TYW1: variants seen among roughly 807,000 people sequenced by gnomAD.
TYW1 encodes tRNA-yW synthesizing protein 1 homolog.
TYW1 carries 46 observed loss-of-function variants against 96.2 expected under a neutral mutation model. That is an observed-to-expected ratio of 0.48 (90% CI 0.38 to 0.61). The LOEUF (loss-of-function observed/expected upper bound fraction) is 0.61, where lower values mean the gene tolerates loss of function less well. Ranked by LOEUF, TYW1 falls within the 20% of genes least tolerant of loss-of-function variation. The probability of loss-of-function intolerance (pLI) is 0.00; values close to 1 mark genes in which losing one functional copy is unlikely to be tolerated. For missense variants in TYW1, 684 were observed against 909.6 expected (o/e 0.75, Z 3.19); for synonymous variants, 274 against 323.0 (o/e 0.85, Z 1.63).
At chr7:67,170,833 G>T (rs1799493081) in intron 13 of TYW1, among the ~76,000 whole-genome samples, 1 of 152,146 alleles carries the variant, frequency 6.6e-6, no homozygotes, top group Non-Finnish European at 1.5e-5. Flanking sequence ...GATGTATTTG[G>T]TTTGGTAGTA....
At chr7:67,102,270 C>T (rs763385207) in intron 12 of TYW1, among the ~76,000 whole-genome samples, 3 of 152,064 alleles carry the variant, frequency 2.0e-5, no homozygotes, top group South Asian at 4.1e-4. Flanking sequence ...GATATTTACC[C>T]GAAAACGTCC....
chr7:67,095,250 C>T (rs991479626), intron 11 of TYW1, among the ~76,000 whole-genome samples: 4 of 152,032 alleles, frequency 2.6e-5, no homozygotes, highest in African/African-American at 9.7e-5. Flanking sequence ...GCACCCATCT[C>T]GGCCTCACTA....
At chr7:67,112,100 C>CAAAAAAAAGAAAAAAAAAAAAA (rs1797429778) in intron 12 of TYW1, among the ~76,000 whole-genome samples, 1 of 94,884 alleles carries the variant, frequency 1.1e-5, no homozygotes, top group Admixed American at 1.4e-4. Context: ...CTCTGTCTGA[C>CAAAAAAAAGAAAAAAAAAAAAA]AAAAAAAAAA....
At chr7:67,221,623 T>A (rs551015388) in intron 15 of TYW1, among the ~76,000 whole-genome samples, 1 of 152,352 alleles carries the variant, frequency 6.6e-6, no homozygotes, top group Admixed American at 6.5e-5. Flanking sequence ...ACATTTAAAT[T>A]ACCTTTTCAT....
intron 13 of TYW1, among the ~76,000 whole-genome samples, chr7:67,159,054 C>T (rs536780667): frequency 3.3e-5 from 5 of 152,114 alleles, no homozygotes; most frequent in Middle Eastern, 3.4e-3. Context: ...ATTTATTTTC[C>T]TCTGCTCACT....
chr7:67,215,976 A>G (rs1401399960), intron 15 of TYW1, among the ~76,000 whole-genome samples: 1 of 82,208 alleles, frequency 1.2e-5, no homozygotes, highest in Non-Finnish European at 2.6e-5. Flanking sequence ...ACACCCATAC[A>G]GACACACCCA....
At chr7:67,132,865 A>C (rs576891951) in intron 13 of TYW1, among the ~76,000 whole-genome samples, 1 of 152,210 alleles carries the variant, frequency 6.6e-6, no homozygotes, top group Non-Finnish European at 1.5e-5. Flanking sequence ...GGAGAAATTC[A>C]TCCTCCTACA....
At chr7:67,026,292 C>T (rs546192860) in intron 7 of TYW1, among the ~76,000 whole-genome samples, 4 of 152,198 alleles carry the variant, frequency 2.6e-5, no homozygotes, top group Non-Finnish European at 4.4e-5. Flanking sequence ...AGGCTGGTCT[C>T]GAACTCCTGA....
At chr7:67,083,294 C>A in intron 10 of TYW1, 136 bp from the exon 11 acceptor site, 1 of 722,390 alleles carries the variant, frequency 1.4e-6, no homozygotes, top group Non-Finnish European at 2.3e-6. Flanking sequence ...TGGAAAATAC[C>A]ACTATACATG....
intron 13 of TYW1, among the ~76,000 whole-genome samples, chr7:67,154,680 G>T (rs1798909687): frequency 6.6e-6 from 1 of 152,084 alleles, no homozygotes; most frequent in South Asian, 2.1e-4. Context: ...TTGAATATAT[G>T]TGGGGATCTT....
intron 15 of TYW1, among the ~76,000 whole-genome samples, chr7:67,196,703 C>T (rs1458572580): frequency 6.6e-6 from 1 of 151,684 alleles, no homozygotes; most frequent in Non-Finnish European, 1.5e-5. Context: ...CTTTCAAAAC[C>T]ATTGGCAGTA....
At chr7:67,067,438 T>C (rs1241354301) in intron 10 of TYW1, 35 bp downstream of exon 10, 2 of 1,610,882 alleles carry the variant, frequency 1.2e-6, no homozygotes, top group Admixed American at 1.7e-5. Flanking sequence ...TGATCGAATA[T>C]GTAATGAGCT....
At chr7:67,128,698 T>G (rs898791004) in intron 13 of TYW1, among the ~76,000 whole-genome samples, 1 of 151,210 alleles carries the variant, frequency 6.6e-6, no homozygotes, top group Non-Finnish European at 1.5e-5. Context: ...GTGTTTTTTT[T>G]TTTTTTTTTT....
intron 11 of TYW1, among the ~76,000 whole-genome samples, chr7:67,088,810 T>TC (rs1326036447): frequency 3.9e-5 from 6 of 152,222 alleles, no homozygotes; most frequent in African/African-American, 1.4e-4. Context: ...GCTCAAGCAA[T>TC]CCTTCAGTCT....
At position 67,141,281 on chromosome 7, in the gene TYW1, A is replaced by G. The variant is rs528293971; in HGVS notation, c.1698+23663A>G. 7.2e-5 allele frequency among the ~76,000 whole-genome samples: 11 copies of G among 152,342 alleles called. No individual in the cohort carries two copies. In the East Asian group the frequency reaches 2.1e-3, roughly 29 times the overall value. ...GTTTAGTTCTTTTTAACATTTATTT[A>G]CAGACTGGAATATTAAGCTTTATGC... On this transcript the variant is annotated intron_variant, in intron 13 of 15. Transcript: ENST00000359626.
At position 67,049,881 on chromosome 7, in the gene TYW1, A is replaced by C. The variant is rs1322115849; in HGVS notation, c.985-68A>C. The C allele has an allele frequency of 1.9e-6, 3 of 1,588,218 alleles. No homozygotes were observed. The African/African-American group carries it at 4.1e-5, about 21-fold the overall frequency. ...ACCTTTTTATTGATGCTAGGTGTTCATGATTGTGCTGTTATTTACATTGCA... is the reference window on the plus strand; with the variant it reads ...ACCTTTTTATTGATGCTAGGTGTTCCTGATTGTGCTGTTATTTACATTGCA... On this transcript the variant is annotated intron_variant, in intron 7 of 15. Transcript: ENST00000359626.
At chr7:67,097,125 G>A (rs1250916042) in intron 11 of TYW1, among the ~76,000 whole-genome samples, 1 of 151,868 alleles carries the variant, frequency 6.6e-6, no homozygotes, top group Non-Finnish European at 1.5e-5. Context: ...CTACACATTG[G>A]AATCACCTGG....
chr7:67,166,964 G>C (rs1328030676), intron 13 of TYW1, among the ~76,000 whole-genome samples: 1 of 152,146 alleles, frequency 6.6e-6, no homozygotes, highest in Non-Finnish European at 1.5e-5. Context: ...GGCCATATAA[G>C]AACATTCAAG....
At chr7:67,066,072 C>G (rs1340399114) in intron 9 of TYW1, among the ~76,000 whole-genome samples, 1 of 151,972 alleles carries the variant, frequency 6.6e-6, no homozygotes, top group Non-Finnish European at 1.5e-5. Flanking sequence ...TCATTCGTGT[C>G]TCTGCTTTCC....
Sources: gnomAD v4.1 joint callset for allele counts (sites outside exome capture counted in the v4.1 genomes callset) on GRCh38, gnomAD v4.1.1 for gene constraint, MANE v1.5 for transcripts, NCBI Gene and HGNC (gene_info 2026-07-23, HGNC 2026-07-21) for gene names.